The following ME1 variants were observed in gnomAD, a reference collection of about 807,000 sequenced individuals.
ME1 encodes the protein malic enzyme 1.
In ME1, 74 loss-of-function variants were observed where a neutral mutation model predicts 66.4. The ratio of observed to expected loss-of-function variants is 1.11; its 90% CI spans 0.92 to 1.35. The LOEUF is 1.35. ME1 is among the 40% of genes most tolerant of loss of function. The pLI is 0.00. For missense variants in ME1, 750 were observed against 694.1 expected, an observed-to-expected ratio of 1.08 and a Z score of -0.90; for synonymous variants, 251 against 235.6, an observed-to-expected ratio of 1.07 and a Z score of -0.60.
At chr6:83,357,935 C>CTCTA (rs1447805761) in intron 3 of ME1, among the ~76,000 whole-genome samples, 30 of 30,038 alleles carry the variant, frequency 1.0e-3, no homozygotes, top group East Asian at 1.2e-3. Flanking sequence ...CTCTCTCTCT[C>CTCTA]TATATATATA....
At chr6:83,325,445 T>C (rs1455155144) in intron 5 of ME1, among the ~76,000 whole-genome samples, 2 of 152,202 alleles carry the variant, frequency 1.3e-5, no homozygotes, top group African/African-American at 4.8e-5. Flanking sequence ...GCAGACGACA[T>C]GATTGTATAT....
At chr6:83,347,535 G>T (rs944726382) in intron 4 of ME1, among the ~76,000 whole-genome samples, 2 of 152,084 alleles carry the variant, frequency 1.3e-5, no homozygotes, top group African/African-American at 4.8e-5. Flanking sequence ...AGTAATAAAG[G>T]TACTTTTCAG....
intron 11 of ME1, 70 bp from the exon 12 acceptor site, chr6:83,224,003 G>C: frequency 7.5e-7 from 1 of 1,341,102 alleles, no homozygotes; most frequent in African/African-American, 1.5e-5. Flanking sequence ...TATCATAACA[G>C]AACTACCCCA....
intron 3 of ME1, among the ~76,000 whole-genome samples, chr6:83,382,716 G>C (rs1025932955): frequency 2.6e-5 from 4 of 151,936 alleles, no homozygotes; most frequent in African/African-American, 9.7e-5. Flanking sequence ...AAGGTCCAAG[G>C]AGCTACATGA....
At chr6:83,372,957 G>A (rs536948065) in intron 3 of ME1, among the ~76,000 whole-genome samples, 2 of 152,296 alleles carry the variant, frequency 1.3e-5, no homozygotes, top group Non-Finnish European at 2.9e-5. Context: ...GTTTAGTGAT[G>A]TTGAATGTTT....
At chr6:83,312,254 T>C (rs977203904) in intron 6 of ME1, among the ~76,000 whole-genome samples, 1 of 152,168 alleles carries the variant, frequency 6.6e-6, no homozygotes, top group Non-Finnish European at 1.5e-5. Flanking sequence ...CAAAACACTG[T>C]TCCCCTCTCC....
At chr6:83,221,082 C>T (rs1262002562) in intron 12 of ME1, among the ~76,000 whole-genome samples, 2 of 151,238 alleles carry the variant, frequency 1.3e-5, no homozygotes, top group East Asian at 2.0e-4. Context: ...ATTGCTTGAA[C>T]CAGGGAGTTG....
rs138657452 is a variant in ME1, at chr6:83,325,393, G to A, written c.601-9980C>T. 5.1e-4 allele frequency among the ~76,000 whole-genome samples: 78 copies of A among 152,140 alleles called. 1 individual carries two copies. The highest frequency in any genetic ancestry group is 1.7e-3 in the African/African-American group (72 of 41,504). ...AATCAGGCAAGAGAAAGAAATAAAG[G>A]GTATTCCAATAGGAAAAGAAGAAGT... On this transcript the variant is annotated intron_variant, in intron 5 of 13. Transcript: ENST00000369705.
chr6:83,237,861 T>A (rs1790445280), intron 8 of ME1, 31 bp from the exon 9 acceptor site: 1 of 1,205,088 alleles, frequency 8.3e-7, no homozygotes, highest in Non-Finnish European at 1.2e-6. Context: ...ATTTTAAAGT[T>A]GTTCTACATG....
chr6:83,388,166 C>T (rs1489325693), intron 3 of ME1, among the ~76,000 whole-genome samples: 2 of 143,628 alleles, frequency 1.4e-5, no homozygotes, highest in Non-Finnish European at 3.0e-5. Context: ...CAGCTCACTG[C>T]ATCCTCAACA....
At chr6:83,250,302 A>G (rs1459290968) in intron 7 of ME1, among the ~76,000 whole-genome samples, 7 of 151,742 alleles carry the variant, frequency 4.6e-5, no homozygotes, top group Non-Finnish European at 1.0e-4. Context: ...TATTACATAT[A>G]TTTTTTGTTT....
chr6:83,354,643 C>G (rs1467088924), intron 3 of ME1, among the ~76,000 whole-genome samples: 1 of 152,160 alleles, frequency 6.6e-6, no homozygotes, highest in Admixed American at 6.5e-5. Flanking sequence ...ATCACCTTCA[C>G]AATACTTAAA....
At chr6:83,224,005 A>G (rs1446947625) in intron 11 of ME1, 72 bp from the exon 12 acceptor site, 21 of 1,305,568 alleles carry the variant, frequency 1.6e-5, no homozygotes, top group Non-Finnish European at 2.0e-5. Flanking sequence ...TCATAACAGA[A>G]CTACCCCACA....
intron 7 of ME1, among the ~76,000 whole-genome samples, chr6:83,249,236 C>T (rs1790677994): frequency 6.6e-6 from 1 of 151,202 alleles, no homozygotes; most frequent in African/African-American, 2.4e-5. Flanking sequence ...TATATATATA[C>T]TTTTTTTCTT....
intron 9 of ME1, among the ~76,000 whole-genome samples, chr6:83,233,291 T>A (rs1448158035): frequency 6.6e-6 from 1 of 152,060 alleles, no homozygotes; most frequent in East Asian, 1.9e-4. Context: ...TAATATTAGT[T>A]GACAAAATTA....
At chr6:83,422,174 C>G (rs1470303368) in intron 1 of ME1, among the ~76,000 whole-genome samples, 1 of 152,146 alleles carries the variant, frequency 6.6e-6, no homozygotes, top group Non-Finnish European at 1.5e-5. Flanking sequence ...AACAGCATAC[C>G]AAAGGCTTTG....
chr6:83,365,436 T>C (rs1769085654), intron 3 of ME1, among the ~76,000 whole-genome samples: 1 of 152,178 alleles, frequency 6.6e-6, no homozygotes, highest in Non-Finnish European at 1.5e-5. Context: ...CAACATTTCA[T>C]GCAGGGTTCC....
chr6:83,414,650 A>G (rs1770125688), intron 1 of ME1, among the ~76,000 whole-genome samples: 1 of 152,214 alleles, frequency 6.6e-6, no homozygotes, highest in African/African-American at 2.4e-5. Context: ...CTAAGAGAGC[A>G]AATGGGTTTT....
intron 6 of ME1, among the ~76,000 whole-genome samples, chr6:83,314,262 C>T (rs1406969055): frequency 6.6e-6 from 1 of 152,166 alleles, no homozygotes; most frequent in African/African-American, 2.4e-5. Context: ...GGTTGAGCAT[C>T]TCTAATCCAA....
Sources: allele counts gnomAD v4.1 joint callset (sites outside exome capture counted in the v4.1 genomes callset), GRCh38; gene constraint gnomAD v4.1.1; transcripts MANE v1.5; gene names NCBI Gene and HGNC (gene_info 2026-07-23, HGNC 2026-07-21).